NBAS: variants seen among roughly 807,000 people sequenced by gnomAD.
The protein encoded by NBAS is NBAS subunit of NRZ tethering complex.
A neutral mutation model predicts 302.5 loss-of-function variants in NBAS; 219 were observed. The observed-to-expected ratio is 0.72, with a 90% confidence interval of 0.65 to 0.81. The LOEUF is 0.81. NBAS is among the 30% of genes least tolerant of loss of function. NBAS has a pLI of 0.00. For synonymous variants in NBAS, 1,118 were observed against 1,021.6 expected (o/e 1.09, Z -1.80); for missense variants, 2,932 against 2,841.6 (o/e 1.03, Z -0.72).
intron 24 of NBAS, among the ~76,000 whole-genome samples, chr2:15,417,062 G>C (rs1558319068): frequency 6.6e-6 from 1 of 152,082 alleles, no homozygotes; most frequent in Non-Finnish European, 1.5e-5. Context: ...TCTAATTTTG[G>C]GGAGAAAGCA....
intron 3 of NBAS, among the ~76,000 whole-genome samples, chr2:15,556,004 T>C (rs1221410291): frequency 2.0e-5 from 3 of 152,124 alleles, no homozygotes; most frequent in African/African-American, 7.2e-5. Flanking sequence ...TTCCTACTCA[T>C]TGCTCTATCC....
intron 26 of NBAS, among the ~76,000 whole-genome samples, chr2:15,400,001 T>TA (rs1676070067): frequency 6.6e-6 from 1 of 152,250 alleles, no homozygotes; most frequent in African/African-American, 2.4e-5. Flanking sequence ...GACAGTCTTT[T>TA]AAAAAATACC....
At chr2:14,992,687 G>C in the NBAS span, among the ~76,000 whole-genome samples, 1 of 152,184 alleles carries the variant, frequency 6.6e-6, no homozygotes, top group Non-Finnish European at 1.5e-5. Flanking sequence ...CAGACATTCT[G>C]CATGTTCCAC....
chr2:14,904,014 G>A, the NBAS span, among the ~76,000 whole-genome samples: 1 of 152,186 alleles, frequency 6.6e-6, no homozygotes, highest in Non-Finnish European at 1.5e-5. Flanking sequence ...TGGGCGAGGC[G>A]CTCCCTTCTG....
chr2:14,899,954 A>C, the NBAS span, among the ~76,000 whole-genome samples: 1 of 152,318 alleles, frequency 6.6e-6, no homozygotes, highest in South Asian at 2.1e-4. Flanking sequence ...GGTTCATAGA[A>C]TCTTTACTAA....
chr2:15,047,811 G>A, the NBAS span, among the ~76,000 whole-genome samples: 6 of 152,230 alleles, frequency 3.9e-5, no homozygotes, highest in East Asian at 1.9e-4. Flanking sequence ...CTAGATTACC[G>A]TCCCATCTCT....
the NBAS span, among the ~76,000 whole-genome samples, chr2:14,793,484 A>G: frequency 2.5e-4 from 38 of 152,188 alleles, 2 homozygotes; most frequent in Non-Finnish European, 2.9e-5. Context: ...TTGAGGACAG[A>G]ACCATAGAAT....
intron 22 of NBAS, among the ~76,000 whole-genome samples, chr2:15,425,978 T>C (rs969655814): frequency 9.9e-5 from 15 of 152,136 alleles, no homozygotes; most frequent in African/African-American, 1.9e-4. Flanking sequence ...TCCCCAAGCA[T>C]GAATACCAGA....
chr2:15,058,219 C>T, the NBAS span, among the ~76,000 whole-genome samples: 4 of 152,130 alleles, frequency 2.6e-5, no homozygotes, highest in Non-Finnish European at 4.4e-5. Flanking sequence ...AGAAATTTCG[C>T]CCCCTAGAGG....
At chr2:15,413,204 T>C (rs1416099411) in intron 25 of NBAS, among the ~76,000 whole-genome samples, 2 of 152,220 alleles carry the variant, frequency 1.3e-5, no homozygotes, top group Non-Finnish European at 2.9e-5. Context: ...TCTTTTCATT[T>C]AGAGATTTGT....
At chr2:15,137,848 T>C in the NBAS span, among the ~76,000 whole-genome samples, 8 of 152,154 alleles carry the variant, frequency 5.3e-5, no homozygotes, top group Non-Finnish European at 1.2e-4. Context: ...CGATCATAGC[T>C]CACTGCAGCC....
chr2:14,935,599 G>A, the NBAS span, among the ~76,000 whole-genome samples: 1 of 152,062 alleles, frequency 6.6e-6, no homozygotes, highest in South Asian at 2.1e-4. Context: ...TTCCTTGACA[G>A]TTGTGTAAGT....
At chr2:15,193,476 A>C (rs1025561575) in intron 48 of NBAS, among the ~76,000 whole-genome samples, 3 of 152,178 alleles carry the variant, frequency 2.0e-5, no homozygotes, top group African/African-American at 7.2e-5. Context: ...TTGGTTTGAT[A>C]ATTGTTATAT....
intron 38 of NBAS, among the ~76,000 whole-genome samples, chr2:15,311,858 C>T (rs1001962824): frequency 2.0e-5 from 3 of 151,928 alleles, no homozygotes; most frequent in Non-Finnish European, 4.4e-5. Flanking sequence ...AAGAATTCTC[C>T]CCTTGATAAC....
chr2:15,439,111 C>A (rs1000790138), intron 21 of NBAS, among the ~76,000 whole-genome samples: 2 of 151,884 alleles, frequency 1.3e-5, no homozygotes, highest in Admixed American at 6.6e-5. Context: ...CTGGCTAACA[C>A]GGTGAAACCC....
At chr2:14,805,188 A>T in the NBAS span, among the ~76,000 whole-genome samples, 4 of 152,194 alleles carry the variant, frequency 2.6e-5, no homozygotes, top group Non-Finnish European at 5.9e-5. Flanking sequence ...GCATCCCAGG[A>T]TGTCGTATAA....
At chr2:15,425,079 C>T (rs1329957062) in intron 22 of NBAS, among the ~76,000 whole-genome samples, 1 of 151,876 alleles carries the variant, frequency 6.6e-6, no homozygotes, top group Non-Finnish European at 1.5e-5. Flanking sequence ...GGAACACACA[C>T]AGGGCTAACC....
the NBAS span, among the ~76,000 whole-genome samples, chr2:14,914,115 GA>G: frequency 2.6e-5 from 4 of 152,172 alleles, no homozygotes; most frequent in Admixed American, 1.3e-4. Flanking sequence ...GATCTCATGA[GA>G]CTTATTCACT....
intron 9 of NBAS, among the ~76,000 whole-genome samples, chr2:15,516,379 C>G (rs1186658109): frequency 6.6e-6 from 1 of 152,134 alleles, no homozygotes; most frequent in East Asian, 1.9e-4. Context: ...AAACATTTTC[C>G]TACCCTGCCA....
Sources: gnomAD v4.1 joint callset for allele counts (sites outside exome capture counted in the v4.1 genomes callset) on GRCh38, gnomAD v4.1.1 for gene constraint, MANE v1.5 for transcripts, NCBI Gene and HGNC (gene_info 2026-07-23, HGNC 2026-07-21) for gene names.